The following IFT122 variants were observed in gnomAD, a reference collection of about 807,000 sequenced individuals.
IFT122 encodes intraflagellar transport protein 122 homolog.
In IFT122, 118 loss-of-function variants were observed where a neutral mutation model predicts 161.6. That is an observed-to-expected ratio of 0.73 (90% CI 0.63 to 0.85). The LOEUF is 0.85. Ranked by LOEUF, IFT122 falls within the 40% of genes least tolerant of loss-of-function variation. IFT122 has a pLI of 0.00. For synonymous variants in IFT122, 550 were observed against 602.4 expected, an observed-to-expected ratio of 0.91 and a Z score of 1.27; for missense variants, 1,381 against 1,579.6, an observed-to-expected ratio of 0.87 and a Z score of 2.13.
intron 28 of IFT122, 132 bp from the exon 29 acceptor site, chr3:129,519,436 C>T: frequency 5.4e-6 from 7 of 1,295,250 alleles, no homozygotes; most frequent in South Asian, 1.3e-5. Context: ...GAGCTTGCCA[C>T]TGTTAGGGTC....
At chr3:129,454,233 T>G (rs1256550396) in intron 3 of IFT122, among the ~76,000 whole-genome samples, 8 of 152,028 alleles carry the variant, frequency 5.3e-5, no homozygotes, top group Non-Finnish European at 8.8e-5. Context: ...CATAAACAAT[T>G]GGCCAGGCAC....
chr3:129,504,127 A>G (rs2081938398), intron 20 of IFT122, 192 bp from the exon 21 acceptor site: 2 of 572,942 alleles, frequency 3.5e-6, no homozygotes, highest in Admixed American at 2.8e-5. Context: ...TATTGCTGTT[A>G]ATTGCCTTTT....
intron 17 of IFT122, among the ~76,000 whole-genome samples, chr3:129,494,712 T>C (rs954776013): frequency 4.1e-5 from 6 of 145,922 alleles, no homozygotes. Context: ...GTGTGTGTTG[T>C]TGGGGACATC....
At chr3:129,457,029 CTTGCCCAAGG>C (rs887454862) in intron 3 of IFT122, among the ~76,000 whole-genome samples, 2 of 152,246 alleles carry the variant, frequency 1.3e-5, no homozygotes, top group Non-Finnish European at 2.9e-5. Context: ...AGAACAGTGA[CTTGCCCAAGG>C]TCACCTTCCA....
intron 9 of IFT122, among the ~76,000 whole-genome samples, chr3:129,469,782 T>C (rs539802021): frequency 6.6e-6 from 1 of 152,212 alleles, no homozygotes; most frequent in Non-Finnish European, 1.5e-5. Flanking sequence ...CTCTATTCGC[T>C]TTCTTTCATT....
chr3:129,495,114 G>A (rs1212375085), intron 17 of IFT122, among the ~76,000 whole-genome samples: 1 of 152,210 alleles, frequency 6.6e-6, no homozygotes, highest in African/African-American at 2.4e-5. Context: ...GATCTTGGGA[G>A]CTTAGGGGTC....
intron 16 of IFT122, among the ~76,000 whole-genome samples, chr3:129,490,979 G>A (rs2080013051): frequency 6.6e-6 from 1 of 152,190 alleles, no homozygotes; most frequent in African/African-American, 2.4e-5. Flanking sequence ...CATGTGGTTC[G>A]TAGTTGGAGA....
At chr3:129,476,940 G>GTTTTTTTTT (rs201252917) in intron 11 of IFT122, 139 bp downstream of exon 11, 2 of 715,786 alleles carry the variant, frequency 2.8e-6, no homozygotes, top group African/African-American at 2.0e-5. Context: ...TCTGTGTCTT[G>GTTTTTTTTT]TTTTCTTTTT....
chr3:129,517,703 T>C, intron 27 of IFT122, 109 bp downstream of exon 27: 1 of 1,401,850 alleles, frequency 7.1e-7, no homozygotes, highest in Non-Finnish European at 1.0e-6. Context: ...ATGCTGAGCC[T>C]GGCCCTGTGT....
intron 4 of IFT122, among the ~76,000 whole-genome samples, chr3:129,459,076 C>T (rs1481440060): frequency 6.6e-6 from 1 of 152,118 alleles, no homozygotes; most frequent in Non-Finnish European, 1.5e-5. Flanking sequence ...CGTGTTCTTC[C>T]CCTGTTCCTC....
intron 24 of IFT122, 45 bp downstream of exon 24, chr3:129,512,457 C>G: frequency 7.6e-7 from 1 of 1,310,384 alleles, no homozygotes; most frequent in Non-Finnish European, 1.1e-6. Context: ...CCGTTCTTGT[C>G]TAATGGCCCC....
chr3:129,513,850 C>A, intron 24 of IFT122: 1 of 259,218 alleles, frequency 3.9e-6, no homozygotes, highest in South Asian at 4.3e-5. Context: ...GGCTCGTCAG[C>A]CTCTGGCTGA....
At chr3:129,483,410 A>G (rs1307099921) in intron 14 of IFT122, 75 bp from the exon 15 acceptor site, 27 of 1,215,886 alleles carry the variant, frequency 2.2e-5, no homozygotes, top group Non-Finnish European at 2.3e-5. Flanking sequence ...TTAAGAGGGT[A>G]TTGGGCTGAA....
rs2076532463 is a variant in IFT122 at position 129,464,738 on chromosome 3, G to T, written c.520G>T (p.Gly174Cys). The change falls in exon 7 of 30, where the codon GGC (glycine) becomes TGC (cysteine). Residue 174 changes from glycine (G) to cysteine (C), a missense_variant. By Grantham distance (159) the Gly-to-Cys change is radical (BLOSUM62 -3). Around this residue, in one of 7 missense-constraint regions of IFT122, gnomAD observed 544 missense variants for 648.0 expected, o/e 0.84. Coordinates refer to ENST00000348417, the MANE Select transcript of IFT122 (RefSeq NM_052989.3). ...GAAAGTAAAGATCGAGCGGCCGGGG[G>T]GCTCCCTCTCGCCAATATGGTCCAT... ...EEKVKIERPGGSLSPIWSICW... is the reference protein window; with the variant it reads ...EEKVKIERPGCSLSPIWSICW... 4 of 1,614,066 alleles carry T rather than the reference G, an allele frequency of 2.5e-6. No homozygotes were observed. Among genetic ancestry groups the T allele is most frequent in the Non-Finnish European group, 3.4e-6 (4 of 1,180,006 alleles).
chr3:129,452,779 TG>T (rs1425461369), intron 3 of IFT122, among the ~76,000 whole-genome samples: 1 of 152,180 alleles, frequency 6.6e-6, no homozygotes. Context: ...CTCTAGTTGC[TG>T]AGTTGGAAAC....
intron 13 of IFT122, 47 bp downstream of exon 13, chr3:129,479,969 C>G: frequency 1.2e-6 from 2 of 1,611,052 alleles, no homozygotes; most frequent in Non-Finnish European, 8.5e-7. Flanking sequence ...TCTGCATGCA[C>G]ACGTGGGTGA....
chr3:129,441,706 G>A (rs1216659984), intron 1 of IFT122, among the ~76,000 whole-genome samples: 5 of 152,070 alleles, frequency 3.3e-5, no homozygotes, highest in Non-Finnish European at 7.4e-5. Context: ...TCAACACTAG[G>A]AATTGTATGT....
intron 25 of IFT122, chr3:129,514,820 C>G (rs1300092183): frequency 3.5e-6 from 2 of 566,992 alleles, no homozygotes; most frequent in African/African-American, 3.7e-5. Flanking sequence ...TTGCCCTCCC[C>G]TAGGCAAGCC....
Position 129,514,993 on chromosome 3 carries a change from C to T in IFT122, c.3153+439C>T, listed in dbSNP as rs185946294. 1,466 of 363,150 alleles carry T rather than the reference C, an allele frequency of 4.0e-3. 4 individuals carry two copies. Among genetic ancestry groups the T allele is most frequent in the Middle Eastern group, 6.5e-3 (7 of 1,076 alleles). 22.5% of individuals were successfully genotyped at this position (363,150 alleles called of 1,614,324 possible). A position where few individuals can be genotyped will look rare whatever the true frequency, so the allele number is the denominator to read the frequency against. ...TTCCTTCAACCCAGCCAGCTTCCTT[C>T]TTTCACACATCCTCCCTCAAGCTCA... is the stretch of plus-strand genomic sequence containing the variant. On this transcript the variant is annotated intron_variant, in intron 25 of 29. Coordinates refer to ENST00000348417, the MANE Select transcript of IFT122 (RefSeq NM_052989.3).
Sources: allele counts gnomAD v4.1 joint callset (sites outside exome capture counted in the v4.1 genomes callset), GRCh38; gene constraint gnomAD v4.1.1; regional missense constraint gnomAD v4.1.1; transcripts MANE v1.5; gene names NCBI Gene and HGNC (gene_info 2026-07-23, HGNC 2026-07-21).